AKR1B15: variants seen among roughly 807,000 people sequenced by gnomAD.
The protein encoded by AKR1B15 is estradiol 17-beta-dehydrogenase AKR1B15.
Under a neutral mutation model 38.5 loss-of-function variants are expected in AKR1B15, and 49 were observed. The observed-to-expected ratio is 1.27, with a 90% CI of 1.01 to 1.62. AKR1B15 has a LOEUF of 1.62. AKR1B15 is among the 40% of genes most tolerant of loss of function. AKR1B15 has a pLI of 0.00. For missense variants in AKR1B15, 411 were observed against 381.6 expected (o/e 1.08, Z -0.64); for synonymous variants, 137 against 135.5 (o/e 1.01, Z -0.08).
intron 3 of AKR1B15, chr7:134,565,612 C>T (rs1794515376): frequency 6.3e-7 from 1 of 1,597,040 alleles, no homozygotes; most frequent in African/African-American, 1.3e-5. Flanking sequence ...TCTCTTTCTA[C>T]ATTCAGCCAG....
rs1168119221 is a variant in AKR1B15, at chr7:134,565,324, G to C, written c.150+555G>C. ...GACACATCTGAAGGAACAAACTCCA[G>C]ACACAACATCTTTAACAGCTGTAAC... On this transcript the variant is annotated intron_variant, in intron 3 of 11. Coordinates refer to ENST00000457545, the MANE Select transcript of AKR1B15 (RefSeq NM_001080538.3). 4.0e-6 allele frequency: 5 copies of C among 1,261,312 alleles called. No individual in the cohort carries two copies. The African/African-American group carries it at 6.0e-5, about 15-fold the overall frequency. 78.1% of individuals were successfully genotyped at this position (1,261,312 alleles called of 1,614,324 possible).
intron 1 of AKR1B15, among the ~76,000 whole-genome samples, chr7:134,553,879 A>G (rs1433653523): frequency 6.6e-6 from 1 of 152,214 alleles, no homozygotes; most frequent in Non-Finnish European, 1.5e-5. Context: ...CAGGGAGTAC[A>G]GAAGGCTGGT....
chr7:134,576,509 C>A, intron 9 of AKR1B15, 79 bp downstream of exon 9: 5 of 1,523,736 alleles, frequency 3.3e-6, no homozygotes, highest in Admixed American at 3.7e-5. Context: ...TTGTCCTCAA[C>A]TGACTCCTTA....
intron 6 of AKR1B15, among the ~76,000 whole-genome samples, chr7:134,572,575 C>T (rs1396508491): frequency 6.6e-6 from 1 of 151,568 alleles, no homozygotes; most frequent in African/African-American, 2.4e-5. Context: ...TTGCATTGAG[C>T]CAAGATTGCA....
chr7:134,579,564 G>C lies in AKR1B15; in HGVS notation c.*15G>C. On this transcript the variant is annotated 3_prime_UTR_variant, in exon 12 of 12. Transcript: ENST00000457545. Reference sequence around the variant, plus strand: ...CAGAATATTGAGGTTGAATCTCCTGGTGAGATTACACAGGGGATTCTCTTT... The same window carrying C: ...CAGAATATTGAGGTTGAATCTCCTGCTGAGATTACACAGGGGATTCTCTTT... 6.3e-7 allele frequency: 1 copy of C among 1,588,780 alleles called. No homozygotes were observed. The highest frequency in any genetic ancestry group is 8.6e-7 in the Non-Finnish European group (1 of 1,165,114).
intron 6 of AKR1B15, among the ~76,000 whole-genome samples, chr7:134,572,137 C>T (rs1794681551): frequency 6.6e-6 from 1 of 152,160 alleles, no homozygotes; most frequent in Admixed American, 6.5e-5. Flanking sequence ...CCGGGAACAT[C>T]AGTCATAAAG....
In AKR1B15 at chr7:134,569,587, A is replaced by AC. The variant is rs1794622593; in HGVS notation, c.435+63dup. The AC allele has an allele frequency of 5.1e-6, 8 of 1,581,830 alleles. No individual in the cohort carries two copies. In the South Asian group the frequency reaches 6.7e-5, roughly 13 times the overall value. On this transcript the variant is annotated intron_variant, in intron 5 of 11. Coordinates refer to ENST00000457545, the MANE Select transcript of AKR1B15 (RefSeq NM_001080538.3). ...TCTGAGCTGTTGCAGGAATTCAGGG[A>AC]CCCCCAACAGAGAGACTGGCTGAAG...
At chr7:134,562,863 TTTC>T (rs1562947013) in intron 2 of AKR1B15, among the ~76,000 whole-genome samples, 1 of 144,838 alleles carries the variant, frequency 6.9e-6, no homozygotes, top group Admixed American at 6.8e-5. Flanking sequence ...TCTTTCTTTC[TTTC>T]TTTCTTTCTT....
At position 134,568,339 on chromosome 7, in the gene AKR1B15, A is replaced by G. The variant is rs1349184272; in HGVS notation, c.318+14A>G. On this transcript the variant is annotated intron_variant, in intron 4 of 11. Transcript: ENST00000457545. ...ATCGTCAGCAAGGTGCACATGGCGCATTTGGTGGGAGGCCTTCACTTCAAG... is the reference window on the plus strand; with the variant it reads ...ATCGTCAGCAAGGTGCACATGGCGCGTTTGGTGGGAGGCCTTCACTTCAAG... 1 of 1,613,104 alleles carries G rather than the reference A, an allele frequency of 6.2e-7. No individual in the cohort carries two copies. The highest frequency in any genetic ancestry group is 8.5e-7 in the Non-Finnish European group (1 of 1,179,228).
chr7:134,549,347 G>T, intron 1 of AKR1B15, 98 bp downstream of exon 1: 1 of 152,312 alleles, frequency 6.6e-6, no homozygotes, highest in East Asian at 1.9e-4. Context: ...GGAGGACAGA[G>T]TCCTGGTTTC....
chr7:134,563,788 G>A (rs1423985449), intron 2 of AKR1B15, among the ~76,000 whole-genome samples: 3 of 152,076 alleles, frequency 2.0e-5, no homozygotes. Flanking sequence ...ATACAAAACA[G>A]TTTTTTCTCC....
At chr7:134,575,690 G>T in intron 7 of AKR1B15, 131 bp from the exon 8 acceptor site, 1 of 1,578,836 alleles carries the variant, frequency 6.3e-7, no homozygotes, top group South Asian at 1.2e-5. Context: ...TCTCATGGGT[G>T]ATTTAGCAAG....
chr7:134,575,503 G>C lies in AKR1B15; in HGVS notation c.597G>C (p.Leu199Phe), dbSNP rs1310674609. 1 of 1,613,756 alleles carries C rather than the reference G, an allele frequency of 6.2e-7. No homozygotes were observed. The highest frequency in any genetic ancestry group is 1.3e-5 in the African/African-American group (1 of 74,906). ...ACCACTTCCAGATCGAGAGGCTCTTGAACAAACCTGGACTGAAATATAAAC... is the reference window on the plus strand; with the variant it reads ...ACCACTTCCAGATCGAGAGGCTCTTCAACAAACCTGGACTGAAATATAAAC... ...NFNHFQIERL[L>F]NKPGLKYKPV... Residue 199 changes from leucine to phenylalanine, a missense_variant, in exon 7 of 12, where the codon TTG becomes TTC. Leu to Phe is a conservative substitution (Grantham distance 22). This residue lies in a region of AKR1B15 where 254 missense variants were observed against 212.4 expected (regional missense o/e 1.20). Coordinates refer to ENST00000457545, the MANE Select transcript of AKR1B15 (RefSeq NM_001080538.3).
chr7:134,555,439 A>G (rs1448436579), intron 1 of AKR1B15, among the ~76,000 whole-genome samples: 1 of 152,114 alleles, frequency 6.6e-6, no homozygotes, highest in Non-Finnish European at 1.5e-5. Context: ...CCCAGCAAAA[A>G]AAATGGGTCC....
Position 134,579,491 on chromosome 7 carries a change from T to TC in AKR1B15, c.993-16_993-15insC, listed in dbSNP as rs1554404427. On this transcript the variant is annotated splice_polypyrimidine_tract_variant and intron_variant, in intron 11 of 11. Transcript: ENST00000457545. ...GATGGAACACAGTTTCTTTTTTTTT[T>TC]TCTCTCTCTCTGTAGATTCTCTCAT... 385 of 1,566,342 alleles carry TC rather than the reference T, an allele frequency of 2.5e-4. 1 individual carries two copies. Among genetic ancestry groups the TC allele is most frequent in the African/African-American group, 1.2e-3 (85 of 71,688 alleles).
chr7:134,574,574 TCC>T, intron 6 of AKR1B15, among the ~76,000 whole-genome samples: 1 of 152,194 alleles, frequency 6.6e-6, no homozygotes, highest in Non-Finnish European at 1.5e-5. Context: ...ACTGTAAGAA[TCC>T]CAGAAGAAGG....
At chr7:134,553,093 C>A (rs533345918) in intron 1 of AKR1B15, among the ~76,000 whole-genome samples, 5 of 152,114 alleles carry the variant, frequency 3.3e-5, no homozygotes, top group Non-Finnish European at 7.3e-5. Flanking sequence ...GGGTATGAGA[C>A]AAATGAAGGA....
intron 2 of AKR1B15, among the ~76,000 whole-genome samples, chr7:134,558,619 G>A (rs536718928): frequency 1.3e-4 from 20 of 152,116 alleles, no homozygotes; most frequent in Non-Finnish European, 2.8e-4. Flanking sequence ...TTAGAAACTC[G>A]ATTGCCATGG....
intron 1 of AKR1B15, among the ~76,000 whole-genome samples, chr7:134,550,139 C>T (rs1261939605): frequency 1.3e-5 from 2 of 152,166 alleles, no homozygotes; most frequent in Admixed American, 1.3e-4. Context: ...CCTTACTCAC[C>T]TTTTCTGTCA....
Sources: gnomAD v4.1 joint callset for allele counts (sites outside exome capture counted in the v4.1 genomes callset) on GRCh38, gnomAD v4.1.1 for gene constraint, gnomAD v4.1.1 regional missense constraint, MANE v1.5 for transcripts, NCBI Gene and HGNC (gene_info 2026-07-23, HGNC 2026-07-21) for gene names.